The following NKAIN2 variants were observed in gnomAD, a reference collection of about 807,000 sequenced individuals.
NKAIN2 encodes the protein sodium/potassium-transporting ATPase subunit beta-1-interacting protein 2.
A neutral mutation model predicts 32.6 loss-of-function variants in NKAIN2; 14 were observed. The observed-to-expected ratio is 0.43, with a 90% CI of 0.28 to 0.67. The LOEUF (loss-of-function observed/expected upper bound fraction) is 0.67. NKAIN2 is among the 30% of genes least tolerant of loss of function. The pLI is 0.17. For synonymous variants in NKAIN2, 80 were observed against 87.2 expected (o/e 0.92, Z 0.46); for missense variants, 198 against 258.3 (o/e 0.77, Z 1.60).
intron 2 of NKAIN2, among the ~76,000 whole-genome samples, chr6:124,351,474 G>A (rs532133196): frequency 2.7e-5 from 4 of 149,974 alleles, no homozygotes; most frequent in South Asian, 2.1e-4. Context: ...CCTTCCAGCC[G>A]GGGTGGCAGA....
intron 3 of NKAIN2, among the ~76,000 whole-genome samples, chr6:124,360,741 G>T (rs1799252306): frequency 1.3e-5 from 2 of 152,118 alleles, no homozygotes; most frequent in African/African-American, 4.8e-5. Context: ...AATTATTTCT[G>T]CTAATGCTAA....
intron 3 of NKAIN2, among the ~76,000 whole-genome samples, chr6:124,370,073 C>T (rs1272892207): frequency 1.3e-5 from 2 of 151,126 alleles, no homozygotes; most frequent in African/African-American, 4.9e-5. Flanking sequence ...GATGACAAAC[C>T]TATTCTATTC....
chr6:124,811,654 A>T (rs1780909003), intron 5 of NKAIN2, among the ~76,000 whole-genome samples: 1 of 152,172 alleles, frequency 6.6e-6, no homozygotes, highest in South Asian at 2.1e-4. Flanking sequence ...AGGTCAATAG[A>T]TGTAAACATA....
chr6:124,156,594 A>G (rs1787998834), intron 1 of NKAIN2, among the ~76,000 whole-genome samples: 1 of 152,176 alleles, frequency 6.6e-6, no homozygotes, highest in Non-Finnish European at 1.5e-5. Flanking sequence ...ACACGGCACA[A>G]GTTTGCAGAG....
At chr6:124,649,419 A>C (rs977795780) in intron 3 of NKAIN2, among the ~76,000 whole-genome samples, 14 of 152,222 alleles carry the variant, frequency 9.2e-5, no homozygotes, top group African/African-American at 2.9e-4. Flanking sequence ...AACTTGTAGA[A>C]ATAGACAAAT....
chr6:124,404,951 T>A (rs1267691519), intron 3 of NKAIN2, among the ~76,000 whole-genome samples: 1 of 152,190 alleles, frequency 6.6e-6, no homozygotes, highest in Non-Finnish European at 1.5e-5. Flanking sequence ...GATCTTCTCT[T>A]TTTTGTTGAC....
At chr6:124,085,389 A>G (rs74849469) in intron 1 of NKAIN2, among the ~76,000 whole-genome samples, 4,644 of 152,122 alleles carry the variant, frequency 0.031, 222 homozygotes, top group African/African-American at 0.1. Context: ...ATATAACAGT[A>G]TATATACTTG....
chr6:123,956,096 A>G (rs994357956), intron 1 of NKAIN2, among the ~76,000 whole-genome samples: 11 of 152,192 alleles, frequency 7.2e-5, no homozygotes, highest in African/African-American at 1.2e-4. Flanking sequence ...GCAGTATTTC[A>G]TTCTTAAACT....
chr6:124,363,713 C>T (rs1799394633), intron 3 of NKAIN2, among the ~76,000 whole-genome samples: 1 of 152,154 alleles, frequency 6.6e-6, no homozygotes, highest in Admixed American at 6.5e-5. Flanking sequence ...AGGCTCAACT[C>T]AGCACAATTC....
chr6:123,865,476 TA>T (rs1420306911), intron 1 of NKAIN2, among the ~76,000 whole-genome samples: 2 of 152,158 alleles, frequency 1.3e-5, no homozygotes, highest in Non-Finnish European at 2.9e-5. Context: ...TTTTTTCAAT[TA>T]TTTCTCATAA....
chr6:124,568,741 A>G (rs1781014120), intron 3 of NKAIN2, among the ~76,000 whole-genome samples: 1 of 151,582 alleles, frequency 6.6e-6, no homozygotes. Context: ...TGTCCACTAA[A>G]GAAAAAGTCA....
At chr6:124,511,490 G>A (rs954382859) in intron 3 of NKAIN2, among the ~76,000 whole-genome samples, 9 of 152,028 alleles carry the variant, frequency 5.9e-5, no homozygotes, top group South Asian at 2.1e-4. Flanking sequence ...TCCCTTTATC[G>A]AGTTTGTCTT....
intron 4 of NKAIN2, among the ~76,000 whole-genome samples, chr6:124,667,630 A>G (rs191739065): frequency 1.3e-5 from 2 of 152,144 alleles, no homozygotes; most frequent in Non-Finnish European, 1.5e-5. Flanking sequence ...TCTTAAAAAT[A>G]TATCTTTGAT....
intron 1 of NKAIN2, among the ~76,000 whole-genome samples, chr6:123,961,515 C>T (rs903534161): frequency 1.3e-5 from 2 of 152,126 alleles, no homozygotes; most frequent in Non-Finnish European, 2.9e-5. Context: ...TATGCAAATA[C>T]AAATCCCTAA....
At chr6:123,858,595 G>A (rs901120109) in intron 1 of NKAIN2, among the ~76,000 whole-genome samples, 1 of 152,206 alleles carries the variant, frequency 6.6e-6, no homozygotes, top group African/African-American at 2.4e-5. Context: ...TGCCTTTAGA[G>A]CTATGCAAAT....
chr6:124,071,434 G>C (rs1783462910), intron 1 of NKAIN2, among the ~76,000 whole-genome samples: 1 of 152,026 alleles, frequency 6.6e-6, no homozygotes, highest in South Asian at 2.1e-4. Flanking sequence ...TTATTACTAA[G>C]TCCTCAAAAG....
At chr6:124,412,899 G>A (rs1002567180) in intron 3 of NKAIN2, among the ~76,000 whole-genome samples, 1 of 152,178 alleles carries the variant, frequency 6.6e-6, no homozygotes, top group Non-Finnish European at 1.5e-5. Flanking sequence ...GAGCCTCCCT[G>A]TCACCTTGCA....
rs1045372128 is a variant in NKAIN2, at chr6:124,405,871, A to G, written c.273+50524A>G. On this transcript the variant is annotated intron_variant, in intron 3 of 6. Transcript: ENST00000368417. ...ATGGCAAAAAGAATTCAGTAACACT[A>G]CTTCATTACTAGGGCTTTGAAATAA... Among the ~76,000 whole-genome samples the G allele has an allele frequency of 4.6e-5, 7 of 152,214 alleles. No individual in the cohort carries two copies. In the South Asian group the frequency reaches 1.4e-3, roughly 32 times the overall value.
intron 3 of NKAIN2, among the ~76,000 whole-genome samples, chr6:124,412,766 C>G (rs546397625): frequency 1.2e-4 from 19 of 152,284 alleles, no homozygotes; most frequent in African/African-American, 4.1e-4. Flanking sequence ...TGCCCTGCCC[C>G]CAGAGGTGGA....
Sources: gnomAD v4.1 joint callset for allele counts (sites outside exome capture counted in the v4.1 genomes callset) on GRCh38, gnomAD v4.1.1 for gene constraint, MANE v1.5 for transcripts, NCBI Gene and HGNC (gene_info 2026-07-23, HGNC 2026-07-21) for gene names.